Variants in DUOX2 observed in about 807,000 individuals in gnomAD.
The protein encoded by DUOX2 is dual oxidase 2.
In DUOX2, 185 loss-of-function variants were observed where a neutral mutation model predicts 183.3. The ratio of observed to expected loss-of-function variants is 1.01; its 90% CI spans 0.90 to 1.14. DUOX2 has a LOEUF of 1.14. Among genes scored for constraint, DUOX2 ranks in the 50% most tolerant of loss-of-function variants. The pLI, the probability that DUOX2 is intolerant of heterozygous loss-of-function variation, is 0.00. For synonymous variants in DUOX2, 788 were observed against 812.4 expected, an observed-to-expected ratio of 0.97 and a Z score of 0.51; for missense variants, 1,999 against 2,022.9, an observed-to-expected ratio of 0.99 and a Z score of 0.23.
chr15:45,113,304 T>C, intron 2 of DUOX2, 38 bp downstream of exon 2: 1 of 1,550,042 alleles, frequency 6.5e-7, no homozygotes, highest in Non-Finnish European at 8.7e-7. Context: ...CCAGGGATCC[T>C]GGGGAACACC....
Position 45,099,368 on chromosome 15 carries a change from A to T in DUOX2, c.3515+15T>A, listed in dbSNP as rs269869. On this transcript the variant is annotated intron_variant, in intron 26 of 33. Transcript: ENST00000389039. ...CACCCTATGAGTCCCAGGAGAAACC[A>T]TCCCCAGAACTGACCCATCATTCAC... 1,610,507 of 1,612,502 alleles carry T rather than the reference A, an allele frequency of 1. 804,285 individuals are homozygous for T. Among genetic ancestry groups the T allele is most frequent in the East Asian group, 1 (44,862 of 44,862 alleles).
intron 12 of DUOX2, 153 bp downstream of exon 12, chr15:45,108,636 T>G: frequency 1.1e-6 from 1 of 878,500 alleles, no homozygotes; most frequent in Non-Finnish European, 1.8e-6. Flanking sequence ...CTCTATGATT[T>G]ACCAACTATG....
intron 23 of DUOX2, 125 bp from the exon 24 acceptor site, chr15:45,100,353 A>G: frequency 1.1e-6 from 1 of 898,864 alleles, no homozygotes; most frequent in Admixed American, 2.7e-5. Flanking sequence ...GATGAATGGA[A>G]AAAAGCAATC....
chr15:45,096,153 G>T, intron 29 of DUOX2, 93 bp from the exon 30 acceptor site: 1 of 1,092,370 alleles, frequency 9.2e-7, no homozygotes, highest in Non-Finnish European at 1.4e-6. Context: ...CACCCCTGAG[G>T]CCTGGGGAGT....
At chr15:45,105,859 G>A in intron 17 of DUOX2, 31 bp from the exon 18 acceptor site, 1 of 1,612,940 alleles carries the variant, frequency 6.2e-7, no homozygotes, top group East Asian at 2.2e-5. Flanking sequence ...ACTGACGCAG[G>A]GAGCTCGCTG....
Position 45,104,196 on chromosome 15 carries a change from C to T in DUOX2, c.2504G>A (p.Gly835Asp), listed in dbSNP as rs772637424. Residue 835 changes from glycine (G) to aspartate (D), a missense_variant, in exon 19 of 34, where the codon GGC (glycine) becomes GAC (aspartate). Physicochemically the swap from Gly to Asp is moderately conservative, Grantham distance 94. Around this residue, in one of 3 missense-constraint regions of DUOX2, gnomAD observed 1,628 missense variants for 1,608.6 expected, o/e 1.01. Coordinates refer to ENST00000389039, the MANE Select transcript of DUOX2 (RefSeq NM_001363711.2). ...ESMFSLADKD[G>D]NGYLSFREFL... ...CTCTCGGAAGGACAGGTAGCCATTG[C>T]CATCCTTGTCAGCCAGAGAGAACAT... 9.5e-5 allele frequency: 153 copies of T among 1,614,028 alleles called. No individual in the cohort carries two copies. The highest frequency in any genetic ancestry group is 1.3e-4 in the Non-Finnish European group (149 of 1,180,036).
Position 45,111,867 on chromosome 15 carries a change from G to T in DUOX2, c.414C>A (p.Pro138=). ...FLNIRIPPGD[P]VFDPDQRGDV... is the part of the protein sequence containing the mutation. Reference sequence around the variant, plus strand: ...CCCCGCGCTGGTCGGGGTCGAACACGGGGTCTCCAGGTGGGATGCGGATGT... The same window carrying T: ...CCCCGCGCTGGTCGGGGTCGAACACTGGGTCTCCAGGTGGGATGCGGATGT... Residue 138 remains proline, a synonymous_variant, in exon 5 of 34, where the codon CCC becomes CCA. Coordinates refer to ENST00000389039, the MANE Select transcript of DUOX2 (RefSeq NM_001363711.2). The T allele has an allele frequency of 6.2e-7, 1 of 1,613,768 alleles. No homozygotes were observed. The highest frequency in any genetic ancestry group is 1.1e-5 in the South Asian group (1 of 91,082).
chr15:45,094,670 G>C lies in DUOX2; in HGVS notation c.4417C>G (p.Gln1473Glu). ...TMLYICERHF[Q>E]KVLNRSLFTG... is the part of the protein sequence containing the mutation. ...AACAGACTCCGGTTCAGCACTTTCTGGAAGTGCCGCTCGCAGATGTACTGG... is the reference window on the plus strand; with the variant it reads ...AACAGACTCCGGTTCAGCACTTTCTCGAAGTGCCGCTCGCAGATGTACTGG... The change falls in exon 33 of 34, where the codon CAG becomes GAG. Residue 1473 changes from glutamine (Q) to glutamate (E), a missense_variant. By Grantham distance (29) the Gln-to-Glu change is conservative. Transcript: ENST00000389039. The C allele has an allele frequency of 1.9e-6, 3 of 1,614,092 alleles. No individual in the cohort carries two copies. Among genetic ancestry groups the C allele is most frequent in the Non-Finnish European group, 2.5e-6 (3 of 1,179,996 alleles).
intron 5 of DUOX2, 32 bp from the exon 6 acceptor site, chr15:45,111,617 G>C (rs752403579): frequency 7.3e-6 from 11 of 1,503,796 alleles, no homozygotes; most frequent in Admixed American, 6.7e-5. Context: ...AGCCCGGGTC[G>C]AGAGGCGGCG....
At chr15:45,097,211 C>G (rs754784809) in intron 29 of DUOX2, 27 bp downstream of exon 29, 82 of 1,613,812 alleles carry the variant, frequency 5.1e-5, no homozygotes, top group Non-Finnish European at 6.5e-5. Flanking sequence ...CTGTCGCTCC[C>G]GACCCAGGTC....
rs771346442 is a variant in DUOX2 at position 45,101,209 on chromosome 15, C to T, written c.2917G>A (p.Glu973Lys). 12 of 1,613,578 alleles carry T rather than the reference C, an allele frequency of 7.4e-6. No individual in the cohort carries two copies. In the East Asian group the frequency reaches 2.7e-4, roughly 36 times the overall value. ...RVSFITRTPG[E>K]RSHPQGLGPP... ...CAGAGCCCCATTCCTGCTCACCGCT[C>T]CCCAGGTGTCCGAGTGATGAACGAG... The change falls in exon 22 of 34, where the codon GAG becomes AAG. Residue 973 changes from glutamate to lysine, a missense_variant. By Grantham distance (56) the Glu-to-Lys change is moderately conservative. This residue lies in a region of DUOX2 where 1,628 missense variants were observed against 1,608.6 expected (regional missense o/e 1.01). Transcript: ENST00000389039.
chr15:45,103,760 G>C (rs1481521607), intron 20 of DUOX2, among the ~76,000 whole-genome samples, 200 bp downstream of exon 20: 1 of 151,952 alleles, frequency 6.6e-6, no homozygotes, highest in Non-Finnish European at 1.5e-5. Context: ...TGACAGTCCA[G>C]ACAGAGACTC....
intron 29 of DUOX2, among the ~76,000 whole-genome samples, chr15:45,096,495 C>T (rs1893904562): frequency 6.6e-6 from 1 of 151,998 alleles, no homozygotes; most frequent in Non-Finnish European, 1.5e-5. Flanking sequence ...TTAATCTTGG[C>T]AGGGAACTTT....
chr15:45,111,993 G>A (rs1346780060), intron 4 of DUOX2, 38 bp from the exon 5 acceptor site: 3 of 1,607,280 alleles, frequency 1.9e-6, no homozygotes, highest in African/African-American at 2.7e-5. Flanking sequence ...CAAACCGTCC[G>A]TATTGCGCCC....
Position 45,111,944 on chromosome 15 carries a change from G to C in DUOX2, c.337C>G (p.Leu113Val). The C allele has an allele frequency of 6.2e-7, 1 of 1,613,640 alleles. No individual in the cohort carries two copies. The highest frequency in any genetic ancestry group is 1.3e-5 in the African/African-American group (1 of 75,064). Residue 113 changes from leucine to valine, a missense_variant, in exon 5 of 34, where the codon CTT (leucine) becomes GTT (valine). This residue lies in a region of DUOX2 where 356 missense variants were observed against 356.4 expected (regional missense o/e 1.00). Coordinates refer to ENST00000389039, the MANE Select transcript of DUOX2 (RefSeq NM_001363711.2). The part of the protein sequence containing the change: ...VLGVFFGYHV[L>V]SDVVSVETPG... ...GTTTCCACGCTCACCACGTCGGAAA[G>C]AACATGGTAGCCTGCGGGCATGGGG...
At chr15:45,102,389 C>T (rs1894106621) in intron 20 of DUOX2, among the ~76,000 whole-genome samples, 1 of 152,186 alleles carries the variant, frequency 6.6e-6, no homozygotes, top group Admixed American at 6.5e-5. Context: ...CACCAGGCAG[C>T]CAGGTGCCAG....
rs1333634824 is a variant in DUOX2 at position 45,111,822 on chromosome 15, C to G, written c.459G>C (p.Gln153His). ...CGGTCTCGGGGTCCCAGCGGCTCCT[C>G]TGGAAGGGCAGCACCACGTCCCCGC... ...DQRGDVVLPF[Q>H]RSRWDPETGR... The change falls in exon 5 of 34, where the codon CAG becomes CAC. Residue 153 changes from glutamine to histidine, a missense_variant. This residue lies in a region of DUOX2 where 356 missense variants were observed against 356.4 expected (regional missense o/e 1.00). Transcript: ENST00000389039. The G allele has an allele frequency of 9.3e-6, 15 of 1,612,900 alleles. No homozygotes were observed. Among genetic ancestry groups the G allele is most frequent in the Non-Finnish European group, 1.1e-5 (13 of 1,179,816 alleles).
At chr15:45,108,696 T>A in intron 12 of DUOX2, 93 bp downstream of exon 12, 1 of 1,340,982 alleles carries the variant, frequency 7.5e-7, no homozygotes, top group South Asian at 1.2e-5. Flanking sequence ...AATATTATTA[T>A]GTAGATTAAA....
At chr15:45,099,628 G>A (rs1367783227) in intron 25 of DUOX2, 34 bp downstream of exon 25, 1 of 1,611,482 alleles carries the variant, frequency 6.2e-7, no homozygotes, top group Non-Finnish European at 8.5e-7. Flanking sequence ...CCAGGGTGCT[G>A]CAGCAAAGAG....
Sources: allele counts gnomAD v4.1 joint callset (sites outside exome capture counted in the v4.1 genomes callset), GRCh38; gene constraint gnomAD v4.1.1; regional missense constraint gnomAD v4.1.1; transcripts MANE v1.5; gene names NCBI Gene and HGNC (gene_info 2026-07-23, HGNC 2026-07-21).